The following FER variants were observed in gnomAD, a reference collection of about 807,000 sequenced individuals.
FER encodes tyrosine-protein kinase Fer.
Under a neutral mutation model 111.0 loss-of-function variants are expected in FER, and 63 were observed. The ratio of observed to expected loss-of-function variants is 0.57; its 90% confidence interval spans 0.46 to 0.70. The LOEUF is 0.70. Ranked by LOEUF, FER falls within the 30% of genes least tolerant of loss-of-function variation. FER has a pLI of 0.00. For synonymous variants in FER, 327 were observed against 313.9 expected, an observed-to-expected ratio of 1.04 and a Z score of -0.44; for missense variants, 914 against 954.0, an observed-to-expected ratio of 0.96 and a Z score of 0.55.
intron 15 of FER, 142 bp downstream of exon 15, chr5:109,044,937 T>G (rs1771734261): frequency 2.1e-6 from 1 of 484,116 alleles, no homozygotes; most frequent in African/African-American, 2.0e-5. Context: ...AAATTTGTGC[T>G]TTTGTGATAT....
At chr5:108,818,601 G>A (rs1393108503) in intron 3 of FER, among the ~76,000 whole-genome samples, 1 of 152,060 alleles carries the variant, frequency 6.6e-6, no homozygotes, top group Non-Finnish European at 1.5e-5. Context: ...GGGGCATTGG[G>A]AAATGTGTGC....
chr5:108,873,790 A>T (rs1431339403), intron 8 of FER, among the ~76,000 whole-genome samples: 3 of 152,206 alleles, frequency 2.0e-5, no homozygotes, highest in Admixed American at 6.5e-5. Context: ...CATTAGCCGT[A>T]GATGCTGCTA....
intron 5 of FER, among the ~76,000 whole-genome samples, chr5:108,853,052 A>G (rs866016408): frequency 1.3e-5 from 2 of 152,168 alleles, no homozygotes; most frequent in African/African-American, 2.4e-5. Flanking sequence ...ATTATCTTCT[A>G]TATTTTATCG....
At chr5:108,839,166 G>C (rs1760977498) in intron 5 of FER, among the ~76,000 whole-genome samples, 1 of 152,050 alleles carries the variant, frequency 6.6e-6, no homozygotes. Flanking sequence ...CTTATAGACG[G>C]GAAATCACCT....
intron 13 of FER, among the ~76,000 whole-genome samples, chr5:108,960,385 A>G (rs967936674): frequency 2.0e-5 from 3 of 152,030 alleles, no homozygotes; most frequent in African/African-American, 2.4e-5. Flanking sequence ...TAAACATTCT[A>G]ATTCTCTGGT....
intron 2 of FER, among the ~76,000 whole-genome samples, chr5:108,797,621 G>T (rs531150240): frequency 1.3e-3 from 200 of 152,306 alleles, no homozygotes; most frequent in African/African-American, 4.3e-3. Flanking sequence ...GAGAGGACTG[G>T]TCTTGATGAT....
intron 1 of FER, among the ~76,000 whole-genome samples, chr5:108,753,059 G>A (rs564803131): frequency 2.6e-5 from 4 of 152,122 alleles, no homozygotes; most frequent in East Asian, 3.9e-4. Flanking sequence ...CTATTCAATA[G>A]GGATAGTAAA....
chr5:108,854,825 TC>T (rs2038514758), intron 5 of FER, among the ~76,000 whole-genome samples: 1 of 151,556 alleles, frequency 6.6e-6, no homozygotes, highest in Non-Finnish European at 1.5e-5. Context: ...ACGCCTATAG[TC>T]CCAGCTACTA....
At chr5:109,120,722 T>G (rs1750860875) in intron 17 of FER, among the ~76,000 whole-genome samples, 1 of 152,094 alleles carries the variant, frequency 6.6e-6, no homozygotes, top group East Asian at 1.9e-4. Flanking sequence ...ATTGATTCCT[T>G]CAATTCATGA....
intron 13 of FER, among the ~76,000 whole-genome samples, chr5:108,971,113 C>A (rs1291634267): frequency 1.3e-5 from 2 of 151,754 alleles, no homozygotes; most frequent in East Asian, 1.9e-4. Flanking sequence ...AATCAATGTT[C>A]ATTTTACCAT....
chr5:108,969,627 A>T (rs945834158), intron 13 of FER, among the ~76,000 whole-genome samples: 4 of 134,088 alleles, frequency 3.0e-5, no homozygotes, highest in Non-Finnish European at 4.4e-5. Context: ...GAACACTGTG[A>T]ATGTATTACC....
intron 17 of FER, among the ~76,000 whole-genome samples, chr5:109,124,737 A>G (rs1751463190): frequency 6.6e-6 from 1 of 152,090 alleles, no homozygotes; most frequent in Non-Finnish European, 1.5e-5. Flanking sequence ...GATTAGAAAC[A>G]TAAACATTCC....
intron 13 of FER, among the ~76,000 whole-genome samples, chr5:109,007,115 A>C (rs1765597817): frequency 6.6e-6 from 1 of 152,202 alleles, no homozygotes; most frequent in Admixed American, 6.5e-5. Context: ...TTTATGATTT[A>C]AAAAGTTTTA....
intron 3 of FER, among the ~76,000 whole-genome samples, chr5:108,800,796 C>T (rs1756556491): frequency 2.0e-5 from 3 of 152,218 alleles, no homozygotes; most frequent in African/African-American, 4.8e-5. Flanking sequence ...CCTGTAATCC[C>T]AGCACTTTGG....
chr5:109,094,173 CT>C (rs199951464), intron 16 of FER, among the ~76,000 whole-genome samples: 15,738 of 143,366 alleles, frequency 0.11, 802 homozygotes, highest in Non-Finnish European at 0.13. Flanking sequence ...ACCTTTCCAG[CT>C]TTTTTTTTTT....
At chr5:108,811,026 A>G (rs1369775022) in intron 3 of FER, among the ~76,000 whole-genome samples, 2 of 151,824 alleles carry the variant, frequency 1.3e-5, no homozygotes, top group African/African-American at 4.8e-5. Context: ...CAGGTGAGCA[A>G]GTGCTCCAAG....
At chr5:108,848,237 C>A (rs772896977) in intron 5 of FER, among the ~76,000 whole-genome samples, 4 of 152,156 alleles carry the variant, frequency 2.6e-5, no homozygotes, top group Non-Finnish European at 5.9e-5. Context: ...TGAAATGCAT[C>A]TCTTGTAAAC....
intron 13 of FER, among the ~76,000 whole-genome samples, chr5:109,028,111 A>G (rs186471855): frequency 6.5e-4 from 99 of 152,210 alleles, no homozygotes; most frequent in Admixed American, 2.9e-3. Flanking sequence ...TTGAGTCATT[A>G]TTTTTTTAGG....
chr5:109,140,738 C>T (rs1221543310), intron 17 of FER, among the ~76,000 whole-genome samples: 2 of 152,088 alleles, frequency 1.3e-5, no homozygotes, highest in African/African-American at 4.8e-5. Flanking sequence ...TATTAATACA[C>T]AAAAATGCCT....
Sources: allele counts gnomAD v4.1 joint callset (sites outside exome capture counted in the v4.1 genomes callset), GRCh38; gene constraint gnomAD v4.1.1; transcripts MANE v1.5; gene names NCBI Gene and HGNC (gene_info 2026-07-23, HGNC 2026-07-21).